The following GABRA4 variants were observed in gnomAD, a reference collection of about 807,000 sequenced individuals.
GABRA4 encodes the protein gamma-aminobutyric acid receptor subunit alpha-4.
GABRA4 carries 12 observed loss-of-function variants against 49.7 expected under a neutral mutation model. The observed-to-expected ratio is 0.24, with a 90% CI of 0.15 to 0.39. GABRA4 has a LOEUF of 0.39. GABRA4 is among the 10% of genes least tolerant of loss of function. GABRA4 has a pLI of 1.00. For synonymous variants in GABRA4, 288 were observed against 240.2 expected (o/e 1.20, Z -1.84); for missense variants, 506 against 686.0 (o/e 0.74, Z 2.93).
chr4:46,937,082 A>T (rs763791491), intron 8 of GABRA4, among the ~76,000 whole-genome samples: 1 of 152,240 alleles, frequency 6.6e-6, no homozygotes, highest in African/African-American at 2.4e-5. Context: ...GTTAAGGTTC[A>T]GTGAAGTCAC....
chr4:46,987,607 C>T (rs1432573736), intron 2 of GABRA4, among the ~76,000 whole-genome samples: 2 of 151,774 alleles, frequency 1.3e-5, no homozygotes, highest in African/African-American at 2.4e-5. Flanking sequence ...TTTTTAACAT[C>T]CATATCAAGT....
chr4:46,967,354 C>G (rs1560476368), intron 7 of GABRA4, among the ~76,000 whole-genome samples: 1 of 143,650 alleles, frequency 7.0e-6, no homozygotes. Flanking sequence ...TTACTTTGAA[C>G]TTTTTTTTTT....
chr4:46,950,702 T>C (rs1722137911), intron 8 of GABRA4, among the ~76,000 whole-genome samples: 1 of 82,606 alleles, frequency 1.2e-5, no homozygotes. Flanking sequence ...TTTAAGCTAA[T>C]GATATTCTCT....
Position 46,926,612 on chromosome 4 carries a change from A to G in GABRA4, c.*1613T>C, listed in dbSNP as rs1721238403. On this transcript the variant is annotated 3_prime_UTR_variant, in exon 9 of 9. Transcript: ENST00000264318. Reference sequence around the variant, plus strand: ...AAGAGAGAGAGAGATTTTGTCTGCAAGGTGGTCATTTCTATCAATATGTTC... The same window carrying G: ...AAGAGAGAGAGAGATTTTGTCTGCAGGGTGGTCATTTCTATCAATATGTTC... The G allele has an allele frequency of 6.6e-6, 1 of 151,948 alleles. No individual in the cohort carries two copies. The allele number at this position is 151,948 out of a possible 1,614,324, so 9.4% of individuals were successfully genotyped here.
intron 8 of GABRA4, among the ~76,000 whole-genome samples, chr4:46,941,086 T>C (rs1258931900): frequency 1.3e-5 from 2 of 151,970 alleles, no homozygotes; most frequent in Admixed American, 6.6e-5. Flanking sequence ...TTATGGCAAA[T>C]GGCTCATCAG....
intron 7 of GABRA4, among the ~76,000 whole-genome samples, chr4:46,967,728 TA>T (rs888625104): frequency 1.3e-5 from 2 of 151,654 alleles, no homozygotes; most frequent in African/African-American, 4.8e-5. Context: ...AGCCATATTT[TA>T]AAAAATATAT....
At chr4:46,977,688 A>T in intron 3 of GABRA4, 58 bp from the exon 4 acceptor site, 1 of 1,124,538 alleles carries the variant, frequency 8.9e-7, no homozygotes, top group South Asian at 1.5e-5. Flanking sequence ...TAAGTATGTG[A>T]AAATAATGCA....
rs1257677660 is a variant in GABRA4 at position 46,951,402 on chromosome 4, A to G, written c.1134+13568T>C. On this transcript the variant is annotated intron_variant, in intron 8 of 8. Transcript: ENST00000264318. ...CAAATATTGGGTGCCAGGCCACTAA[A>G]TATTGGTCTTCAAGTTCATACTCTT... 2.6e-5 allele frequency among the ~76,000 whole-genome samples: 4 copies of G among 151,890 alleles called. No homozygotes were observed. The East Asian group carries it at 7.7e-4, about 29-fold the overall frequency.
chr4:46,940,038 A>T (rs1721738227), intron 8 of GABRA4, among the ~76,000 whole-genome samples: 7 of 152,048 alleles, frequency 4.6e-5, no homozygotes, highest in Admixed American at 4.6e-4. Context: ...TAGCTGAGCA[A>T]AGTTGTATTT....
At chr4:46,982,985 T>C (rs1217091223) in intron 2 of GABRA4, among the ~76,000 whole-genome samples, 1 of 152,034 alleles carries the variant, frequency 6.6e-6, no homozygotes, top group Non-Finnish European at 1.5e-5. Flanking sequence ...TTATTGAAGA[T>C]GAATTATGTG....
chr4:46,957,499 G>A (rs908107388), intron 8 of GABRA4, among the ~76,000 whole-genome samples: 1 of 151,916 alleles, frequency 6.6e-6, no homozygotes, highest in African/African-American at 2.4e-5. Flanking sequence ...GATCAAAAAG[G>A]AGATGCATAC....
chr4:46,954,375 G>A (rs1054164427), intron 8 of GABRA4, among the ~76,000 whole-genome samples: 4 of 148,882 alleles, frequency 2.7e-5, no homozygotes, highest in Non-Finnish European at 4.4e-5. Flanking sequence ...TGGCCAAATG[G>A]TGAAACCCTG....
At chr4:46,943,898 G>T (rs1411135611) in intron 8 of GABRA4, among the ~76,000 whole-genome samples, 4 of 152,002 alleles carry the variant, frequency 2.6e-5, no homozygotes, top group Non-Finnish European at 5.9e-5. Flanking sequence ...GGCTTTTAGG[G>T]TATCCATCTC....
Position 46,928,628 on chromosome 4 carries a change from G to T in GABRA4, c.1262C>A (p.Ser421Tyr). Residue 421 changes from serine (S) to tyrosine (Y), a missense_variant, in exon 9 of 9, where the codon TCT becomes TAT. Coordinates refer to ENST00000264318, the MANE Select transcript of GABRA4 (RefSeq NM_000809.4). ...SKSSTVVQES[S>Y]KGTPRSYLAS... ...TAAGTAAGACCGAGGTGTGCCTTTA[G>T]AAGATTCTTGAACAACTGTGGAAGA... 6.2e-7 allele frequency: 1 copy of T among 1,613,712 alleles called. No homozygotes were observed. The highest frequency in any genetic ancestry group is 8.5e-7 in the Non-Finnish European group (1 of 1,179,762).
chr4:46,981,569 C>T (rs1723357006), intron 2 of GABRA4, among the ~76,000 whole-genome samples: 1 of 152,032 alleles, frequency 6.6e-6, no homozygotes, highest in Admixed American at 6.6e-5. Flanking sequence ...TTAGTGTTTA[C>T]TGAATGAGTG....
At position 46,926,291 on chromosome 4, in the gene GABRA4, C is replaced by T. The variant is rs1721227703; in HGVS notation, c.*1934G>A. The T allele has an allele frequency of 1.3e-5, 2 of 151,856 alleles. No homozygotes were observed. Among genetic ancestry groups the T allele is most frequent in the Non-Finnish European group, 2.9e-5 (2 of 67,866 alleles). 9.4% of individuals were successfully genotyped at this position (151,856 alleles called of 1,614,324 possible). On this transcript the variant is annotated 3_prime_UTR_variant, in exon 9 of 9. Transcript: ENST00000264318. The stretch of plus-strand genomic sequence containing the variant: ...TATGATAAGCTTTTTTGTACAAGTA[C>T]TCTTTATTAAATATATACATATATA...
chr4:46,967,327 A>G (rs542486136), intron 7 of GABRA4, among the ~76,000 whole-genome samples: 21 of 151,542 alleles, frequency 1.4e-4, no homozygotes, highest in Non-Finnish European at 3.1e-4. Flanking sequence ...AATACAAGCA[A>G]CTTAAGATTC....
chr4:46,970,933 T>G, intron 7 of GABRA4, 150 bp downstream of exon 7: 1 of 679,500 alleles, frequency 1.5e-6, no homozygotes, highest in Non-Finnish European at 2.4e-6. Context: ...CTTTATTACT[T>G]TGTACTGGCT....
chr4:46,964,708 G>A (rs970638773), intron 8 of GABRA4, among the ~76,000 whole-genome samples: 1 of 151,584 alleles, frequency 6.6e-6, no homozygotes, highest in East Asian at 1.9e-4. Flanking sequence ...GCCCCTTTCT[G>A]TAAAAAAAAC....
Sources: gnomAD v4.1 joint callset for allele counts (sites outside exome capture counted in the v4.1 genomes callset) on GRCh38, gnomAD v4.1.1 for gene constraint, MANE v1.5 for transcripts, NCBI Gene and HGNC (gene_info 2026-07-23, HGNC 2026-07-21) for gene names.